The following ZNF33B variants were observed in gnomAD, a reference collection of about 807,000 sequenced individuals.
ZNF33B encodes zinc finger protein 11b (KOX 2).
A neutral mutation model predicts 45.8 loss-of-function variants in ZNF33B; 29 were observed. The observed-to-expected ratio is 0.63, with a 90% CI of 0.47 to 0.86. The LOEUF (loss-of-function observed/expected upper bound fraction) is 0.86, where lower values mean the gene tolerates loss of function less well. Ranked by LOEUF, ZNF33B falls within the 40% of genes least tolerant of loss-of-function variation. The pLI is 0.00. For missense variants in ZNF33B, 831 were observed against 909.9 expected, an observed-to-expected ratio of 0.91 and a Z score of 1.12; for synonymous variants, 305 against 307.8, an observed-to-expected ratio of 0.99 and a Z score of 0.10.
intron 2 of ZNF33B, 158 bp downstream of exon 2, chr10:42,636,762 A>G: frequency 1.1e-6 from 1 of 933,124 alleles, no homozygotes; most frequent in Non-Finnish European, 1.6e-6. Flanking sequence ...AGAGGTTGCA[A>G]GGTTGCAGTG....
chr10:42,604,555 G>A (rs1837759644), intron 4 of ZNF33B, among the ~76,000 whole-genome samples: 1 of 152,126 alleles, frequency 6.6e-6, no homozygotes, highest in Non-Finnish European at 1.5e-5. Context: ...AGACAGAAAA[G>A]AATACAATGA....
At chr10:42,581,365 G>C (rs1836822151) in intron 1 of ZNF33B, among the ~76,000 whole-genome samples, 1 of 150,208 alleles carries the variant, frequency 6.7e-6, no homozygotes, top group Non-Finnish European at 1.5e-5. Flanking sequence ...TCGGGAGGCT[G>C]AGACAGGAGA....
At chr10:42,600,050 ATACTC>A (rs1837555208) in intron 4 of ZNF33B, among the ~76,000 whole-genome samples, 2 of 152,058 alleles carry the variant, frequency 1.3e-5, no homozygotes, top group African/African-American at 4.8e-5. Context: ...GTGGGAGAAA[ATACTC>A]TATATGACTT....
intron 4 of ZNF33B, among the ~76,000 whole-genome samples, chr10:42,595,907 G>A (rs1276526573): frequency 6.6e-6 from 1 of 152,002 alleles, no homozygotes; most frequent in African/African-American, 2.4e-5. Flanking sequence ...ACAGCAGCCT[G>A]AGTAAAGTAA....
intron 4 of ZNF33B, among the ~76,000 whole-genome samples, chr10:42,617,241 C>T (rs1273777318): frequency 2.6e-5 from 4 of 151,178 alleles, no homozygotes; most frequent in Non-Finnish European, 5.9e-5. Context: ...GTAGCTGGGA[C>T]CACAGGCACG....
intron 4 of ZNF33B, among the ~76,000 whole-genome samples, chr10:42,626,257 A>G (rs1838802484): frequency 1.3e-5 from 2 of 152,230 alleles, no homozygotes; most frequent in Admixed American, 1.3e-4. Context: ...TACTTTTTAC[A>G]TGACTATTTT....
chr10:42,602,696 C>CG (rs1837678956), intron 4 of ZNF33B, among the ~76,000 whole-genome samples: 1 of 152,148 alleles, frequency 6.6e-6, no homozygotes, highest in African/African-American at 2.4e-5. Flanking sequence ...CTCCTCACCA[C>CG]GGAGAAAAGA....
intron 4 of ZNF33B, among the ~76,000 whole-genome samples, chr10:42,595,235 G>GGA (rs1837350032): frequency 6.6e-6 from 1 of 152,108 alleles, no homozygotes; most frequent in African/African-American, 2.4e-5. Context: ...AGCCCAGAGA[G>GGA]GATGAAACAC....
chr10:42,633,844 C>T (rs1203929415), intron 2 of ZNF33B, among the ~76,000 whole-genome samples: 11 of 151,988 alleles, frequency 7.2e-5, no homozygotes. Flanking sequence ...TGGCAGGCAC[C>T]TGTAATCCCA....
At chr10:42,596,855 G>A (rs990732893) in intron 4 of ZNF33B, among the ~76,000 whole-genome samples, 5 of 151,012 alleles carry the variant, frequency 3.3e-5, no homozygotes, top group East Asian at 3.9e-4. Flanking sequence ...GATTTCCTAC[G>A]TAGATAATCA....
Position 42,624,782 on chromosome 10 carries a change from G to C in ZNF33B, c.250+7147C>G, listed in dbSNP as rs553594931. On this transcript the variant is annotated intron_variant, in intron 4 of 4. Coordinates refer to ENST00000359467, the MANE Select transcript of ZNF33B (RefSeq NM_006955.3). Reference sequence around the variant, plus strand: ...GGACACAGGGTTGATTCATGTCCTGGAACAGGACAGTGCAAAATTTCATCA... The same window carrying C: ...GGACACAGGGTTGATTCATGTCCTGCAACAGGACAGTGCAAAATTTCATCA... Among the ~76,000 whole-genome samples the C allele has an allele frequency of 8.5e-5, 13 of 152,206 alleles. No homozygotes were observed. The East Asian group carries it at 2.5e-3, about 29-fold the overall frequency.
chr10:42,601,583 C>G (rs1392370768), intron 4 of ZNF33B, among the ~76,000 whole-genome samples: 1 of 150,120 alleles, frequency 6.7e-6, no homozygotes, highest in Non-Finnish European at 1.5e-5. Context: ...AGGTGATTCT[C>G]CTGCCTCAGC....
chr10:42,636,413 A>G (rs1196769344), intron 2 of ZNF33B, among the ~76,000 whole-genome samples: 1 of 152,230 alleles, frequency 6.6e-6, no homozygotes, highest in African/African-American at 2.4e-5. Context: ...TGTTGGAAAC[A>G]TAAGAAACAC....
rs375320538 is a variant in ZNF33B, at chr10:42,610,598, G to T, written c.251-15899C>A. 2.3e-4 allele frequency among the ~76,000 whole-genome samples: 35 copies of T among 152,240 alleles called. 1 individual carries two copies. The highest frequency in any genetic ancestry group is 8.4e-4 in the African/African-American group (35 of 41,534). ...TAGCATCAAAAAGAATAAAATACTT[G>T]TAACTTTAATCAAGGAAATACAGAG... On this transcript the variant is annotated intron_variant, in intron 4 of 4. Coordinates refer to ENST00000359467, the MANE Select transcript of ZNF33B (RefSeq NM_006955.3).
rs371187041 is a variant in ZNF33B at position 42,582,990 on chromosome 10, G to T, written c.74-8312C>A. The T allele has an allele frequency of 1.4e-4, 98 of 691,824 alleles. 5 individuals carry two copies. The African/African-American group carries it at 1.6e-3, about 11-fold the overall frequency. The allele number at this position is 691,824 out of a possible 1,614,324, so 42.9% of individuals were successfully genotyped here. A position where few individuals can be genotyped will look rare whatever the true frequency, so the allele number is the denominator to read the frequency against. On this transcript the variant is annotated intron_variant, in intron 1 of 1. Transcript: ENST00000462075. ...ATGTGACCACCATCCCCACCTCATGGGAAGGTAGTTTGGAAGAAGGGAAGG... is the reference window on the plus strand; with the variant it reads ...ATGTGACCACCATCCCCACCTCATGTGAAGGTAGTTTGGAAGAAGGGAAGG...
downstream of ZNF33B, among the ~76,000 whole-genome samples, chr10:42,588,635 T>C (rs535930147): frequency 6.6e-6 from 1 of 152,226 alleles, no homozygotes; most frequent in East Asian, 1.9e-4. Flanking sequence ...GGACACCACA[T>C]GCCGGGCAGA....
chr10:42,582,314 T>C (rs555258797), intron 1 of ZNF33B: 1 of 152,284 alleles, frequency 6.6e-6, no homozygotes, highest in African/African-American at 2.4e-5. Flanking sequence ...TAAGTACTGG[T>C]AATTAGTGAG....
Position 42,591,650 on chromosome 10 carries a change from G to T in ZNF33B, c.*963C>A. ...TATATCACATACCACTTGTACATATGTAAGTCCTATGAACTTCAGGGATAA... is the reference window on the plus strand; with the variant it reads ...TATATCACATACCACTTGTACATATTTAAGTCCTATGAACTTCAGGGATAA... On this transcript the variant is annotated 3_prime_UTR_variant, in exon 5 of 5. Coordinates refer to ENST00000359467, the MANE Select transcript of ZNF33B (RefSeq NM_006955.3). The T allele has an allele frequency of 5.1e-6, 2 of 390,152 alleles. No homozygotes were observed. Among genetic ancestry groups the T allele is most frequent in the Non-Finnish European group, 7.0e-6 (2 of 285,808 alleles). 24.2% of individuals were successfully genotyped at this position (390,152 alleles called of 1,614,324 possible).
intron 1 of ZNF33B, among the ~76,000 whole-genome samples, chr10:42,575,736 A>T (rs200161138): frequency 0.12 from 17,677 of 143,282 alleles, 1,381 homozygotes; most frequent in African/African-American, 0.22. Flanking sequence ...ATACATATAT[A>T]TTTTTTTTTT....
Sources: gnomAD v4.1 joint callset for allele counts (sites outside exome capture counted in the v4.1 genomes callset) on GRCh38, gnomAD v4.1.1 for gene constraint, MANE v1.5 for transcripts, NCBI Gene and HGNC (gene_info 2026-07-23, HGNC 2026-07-21) for gene names.